The following MGST2 variants were observed in gnomAD, a reference collection of about 807,000 sequenced individuals.
MGST2 encodes the protein glutathione peroxidase MGST2.
MGST2 carries 9 observed loss-of-function variants against 16.6 expected under a neutral mutation model. The observed-to-expected ratio is 0.54, with a 90% CI of 0.33 to 0.95. The LOEUF (loss-of-function observed/expected upper bound fraction) is 0.95. Among genes scored for constraint, MGST2 ranks in the 40% least tolerant of loss-of-function variants. MGST2 has a pLI of 0.03. For missense variants in MGST2, 159 were observed against 175.1 expected (o/e 0.91, Z 0.52); for synonymous variants, 79 against 68.0 (o/e 1.16, Z -0.79).
intron 1 of MGST2, among the ~76,000 whole-genome samples, chr4:139,668,841 G>A (rs1384169704): frequency 1.3e-5 from 2 of 152,108 alleles, no homozygotes; most frequent in African/African-American, 4.8e-5. Flanking sequence ...TTTGGCCAGG[G>A]ATATTCCTTG....
At chr4:139,696,245 T>C (rs1281685905) in intron 3 of MGST2, among the ~76,000 whole-genome samples, 1 of 152,132 alleles carries the variant, frequency 6.6e-6, no homozygotes, top group Admixed American at 6.5e-5. Context: ...GGAGACAGAA[T>C]TGGCAGGCGC....
At chr4:139,744,335 TA>T (rs1279508039), downstream of MGST2, among the ~76,000 whole-genome samples, 1 of 152,166 alleles carries the variant, frequency 6.6e-6, no homozygotes, top group Admixed American at 6.5e-5. Context: ...TGATTTTTCT[TA>T]AAGAACACTC....
intron 2 of MGST2, among the ~76,000 whole-genome samples, chr4:139,693,916 C>T (rs142181160): frequency 3.0e-4 from 45 of 152,290 alleles, no homozygotes; most frequent in African/African-American, 1.1e-3. Context: ...TGGGTAACCT[C>T]GCTGGTGTCT....
chr4:139,675,488 G>T (rs968237299), intron 1 of MGST2, among the ~76,000 whole-genome samples: 11 of 152,210 alleles, frequency 7.2e-5, no homozygotes, highest in African/African-American at 2.4e-4. Context: ...TAAAGGAGAA[G>T]AAAGTCATAC....
At chr4:139,722,918 A>G (rs921275396) in intron 5 of MGST2, among the ~76,000 whole-genome samples, 8 of 152,190 alleles carry the variant, frequency 5.3e-5, no homozygotes, top group African/African-American at 1.9e-4. Context: ...TATATCTCAA[A>G]CCAATCAGTT....
At chr4:139,705,215 G>A (rs943228213), downstream of MGST2, among the ~76,000 whole-genome samples, 72 of 152,172 alleles carry the variant, frequency 4.7e-4, no homozygotes, top group African/African-American at 1.6e-3. Flanking sequence ...CAACTCACAG[G>A]AAGATAGGAG....
chr4:139,750,297 C>T, the MGST2 span, among the ~76,000 whole-genome samples: 3 of 152,186 alleles, frequency 2.0e-5, no homozygotes. Context: ...AGAAGCAACA[C>T]AGCATCCCCT....
chr4:139,675,027 C>T (rs1730891209), intron 1 of MGST2, among the ~76,000 whole-genome samples: 1 of 152,136 alleles, frequency 6.6e-6, no homozygotes. Flanking sequence ...GTCTGTGTGA[C>T]AGTGGTCAGC....
chr4:139,690,529 C>A (rs1322269531), intron 2 of MGST2, among the ~76,000 whole-genome samples: 1 of 152,100 alleles, frequency 6.6e-6, no homozygotes, highest in Non-Finnish European at 1.5e-5. Flanking sequence ...ATGGATAAAT[C>A]CCAGATTCTC....
chr4:139,706,364 C>T (rs1216309330), downstream of MGST2, among the ~76,000 whole-genome samples: 1 of 152,178 alleles, frequency 6.6e-6, no homozygotes, highest in Admixed American at 6.5e-5. Flanking sequence ...GCTGTGCTAC[C>T]CCAGCACTTT....
chr4:139,666,090 G>A lies in MGST2; in HGVS notation c.58+13G>A. ...GCCTGTCAGCAAAGTAAGAGGCATG[G>A]GAAGTTCGTGTGTGTGCGCGTGTGT... On this transcript the variant is annotated intron_variant, in intron 1 of 4. Transcript: ENST00000265498. 1.9e-6 allele frequency: 3 copies of A among 1,604,822 alleles called. No individual in the cohort carries two copies. Among genetic ancestry groups the A allele is most frequent in the Non-Finnish European group, 2.5e-6 (3 of 1,178,590 alleles).
chr4:139,710,854 TGATG>T (rs1424683228), intron 5 of MGST2, among the ~76,000 whole-genome samples: 3 of 152,182 alleles, frequency 2.0e-5, no homozygotes, highest in Non-Finnish European at 2.9e-5. Flanking sequence ...TTTTAAAGTT[TGATG>T]AGGAGTCTTA....
intron 5 of MGST2, among the ~76,000 whole-genome samples, chr4:139,728,562 C>T (rs1259860776): frequency 3.9e-5 from 6 of 152,192 alleles, no homozygotes; most frequent in South Asian, 2.1e-4. Flanking sequence ...TGCAAAAGAA[C>T]GGACAAATCT....
chr4:139,673,161 G>A (rs1730788630), intron 1 of MGST2, among the ~76,000 whole-genome samples: 2 of 152,186 alleles, frequency 1.3e-5, no homozygotes, highest in African/African-American at 4.8e-5. Flanking sequence ...AGTCAGACAA[G>A]GAGATAGTGG....
intron 3 of MGST2, among the ~76,000 whole-genome samples, chr4:139,702,868 T>TTTTTTTTTTTTTTTTTTTTTTTTTG (rs1375117740): frequency 7.6e-6 from 1 of 132,300 alleles, no homozygotes; most frequent in Non-Finnish European, 1.7e-5. Flanking sequence ...TTTTTTTTTT[T>TTTTTTTTTTTTTTTTTTTTTTTTTG]TTACAATTTT....
intron 2 of MGST2, among the ~76,000 whole-genome samples, chr4:139,681,508 T>C (rs1731239657): frequency 6.6e-6 from 1 of 152,206 alleles, no homozygotes; most frequent in Non-Finnish European, 1.5e-5. Flanking sequence ...TTCTAACTTT[T>C]TATCTGAAAT....
At chr4:139,707,501 G>T (rs949971247), downstream of MGST2, among the ~76,000 whole-genome samples, 3 of 152,014 alleles carry the variant, frequency 2.0e-5, no homozygotes, top group Admixed American at 6.6e-5. Flanking sequence ...GAATAATGCC[G>T]CAATAAACAT....
downstream of MGST2, among the ~76,000 whole-genome samples, chr4:139,741,378 T>G (rs1223063359): frequency 1.3e-5 from 2 of 152,170 alleles, no homozygotes; most frequent in Non-Finnish European, 2.9e-5. Context: ...TTTAGACATA[T>G]TCTTCGAACA....
intron 5 of MGST2, chr4:139,725,896 A>G: frequency 7.3e-7 from 1 of 1,369,054 alleles, no homozygotes; most frequent in Non-Finnish European, 1.0e-6. Flanking sequence ...ACACAATTCA[A>G]TATCCCAGCA....
Sources: gnomAD v4.1 joint callset for allele counts (sites outside exome capture counted in the v4.1 genomes callset) on GRCh38, gnomAD v4.1.1 for gene constraint, MANE v1.5 for transcripts, NCBI Gene and HGNC (gene_info 2026-07-23, HGNC 2026-07-21) for gene names.